Variants in INSR observed in about 807,000 individuals in gnomAD.
INSR encodes IR.
In INSR, 67 loss-of-function variants were observed where a neutral mutation model predicts 142.6. The observed-to-expected ratio is 0.47, with a 90% confidence interval of 0.39 to 0.58. INSR has a LOEUF of 0.58. Among genes scored for constraint, INSR ranks in the 20% least tolerant of loss-of-function variants. The probability of loss-of-function intolerance (pLI) is 0.00; values close to 1 mark genes in which losing one functional copy is unlikely to be tolerated. For missense variants in INSR, 1,248 were observed against 1,833.2 expected (o/e 0.68, Z 5.83); for synonymous variants, 756 against 743.1 (o/e 1.02, Z -0.28).
rs1198929203 is a variant in INSR at position 7,216,385 on chromosome 19, A to G, written c.653-31748T>C. On this transcript the variant is annotated intron_variant, in intron 2 of 21. Transcript: ENST00000302850. This position sits in a 1 kb window ranked among gnomAD's most constrained non-coding sequence, Gnocchi z 4.2. ...TCTGAAATCCTAAACAGAATATTAC[A>G]TGGCGTCTTGGACCTCCGTGATGTT... 2.0e-5 allele frequency among the ~76,000 whole-genome samples: 3 copies of G among 152,208 alleles called. No individual in the cohort carries two copies. The highest frequency in any genetic ancestry group is 4.4e-5 in the Non-Finnish European group (3 of 68,040).
At chr19:7,152,678 A>T (rs1335303496) in intron 10 of INSR, 48 bp downstream of exon 10, 14 of 1,500,346 alleles carry the variant, frequency 9.3e-6, no homozygotes, top group African/African-American at 1.4e-5. Flanking sequence ...TTCCACCAAC[A>T]CCAAGCCAAT....
At chr19:7,174,752 G>GAGAGAA (rs1294223167) in intron 3 of INSR, 21 bp from the exon 4 acceptor site, 2 of 1,607,316 alleles carry the variant, frequency 1.2e-6, no homozygotes, top group Non-Finnish European at 1.7e-6. Flanking sequence ...AGCAGAGAGA[G>GAGAGAA]AGAGAAAGAG....
In INSR at chr19:7,132,233, C is replaced by T. The variant is rs760156961; in HGVS notation, c.2767G>A (p.Val923Met). Residue 923 changes from valine (V) to methionine (M), a missense_variant, in exon 14 of 22, where the codon GTG (valine) becomes ATG (methionine). Coordinates refer to ENST00000302850, the MANE Select transcript of INSR (RefSeq NM_000208.4). Reference protein sequence around the residue: ...LRGLSPGNYSVRIRATSLAGN... With the variant: ...LRGLSPGNYSMRIRATSLAGN... ...GCAAGGGAGGTGGCCCGGATTCGCA[C>T]GCTGTAGTTCCCCGGTGACAGCCCA... 7.4e-6 allele frequency: 12 copies of T among 1,614,118 alleles called. No individual in the cohort carries two copies. Among genetic ancestry groups the T allele is most frequent in the East Asian group, 2.2e-5 (1 of 44,882 alleles).
At chr19:7,158,223 A>G (rs192540763) in intron 9 of INSR, among the ~76,000 whole-genome samples, 12 of 152,096 alleles carry the variant, frequency 7.9e-5, no homozygotes, top group South Asian at 4.2e-4. Context: ...ATAATGGGCC[A>G]GGCGCGGTGA....
rs1972270572 is a variant in INSR at position 7,114,294 on chromosome 19, T to C, written c.*2762A>G. ...AATGCTTGCTCTGAATCAAAGCCCG[T>C]CTTTGCCCCGGCAGCCATCTCTCAC... On this transcript the variant is annotated 3_prime_UTR_variant, in exon 22 of 22. Coordinates refer to ENST00000302850, the MANE Select transcript of INSR (RefSeq NM_000208.4). The C allele has an allele frequency of 6.6e-6, 1 of 152,236 alleles. No individual in the cohort carries two copies. Among genetic ancestry groups the C allele is most frequent in the African/African-American group, 2.4e-5 (1 of 41,440 alleles). The allele number at this position is 152,236 out of a possible 1,614,324, so 9.4% of individuals were successfully genotyped here. A position where few individuals can be genotyped will look rare whatever the true frequency, so the allele number is the denominator to read the frequency against.
At chr19:7,237,227 C>T (rs1976186187) in intron 2 of INSR, among the ~76,000 whole-genome samples, 2 of 151,378 alleles carry the variant, frequency 1.3e-5, no homozygotes, top group African/African-American at 4.9e-5. Flanking sequence ...TGGAAATAAA[C>T]AAAAAAACAG....
chr19:7,170,884 C>A, intron 5 of INSR, 133 bp from the exon 6 acceptor site: 3 of 782,782 alleles, frequency 3.8e-6, no homozygotes, highest in South Asian at 1.4e-5. Context: ...GGCACATACT[C>A]AACACATATT....
intron 2 of INSR, among the ~76,000 whole-genome samples, chr19:7,238,617 CAAA>C (rs796144540): frequency 1.3e-4 from 9 of 68,970 alleles, no homozygotes; most frequent in East Asian, 4.2e-4. Flanking sequence ...TGCTCCATCT[CAAA>C]AAAAAAAAAA....
At chr19:7,181,746 TG>T (rs1974280449) in intron 3 of INSR, among the ~76,000 whole-genome samples, 1 of 151,644 alleles carries the variant, frequency 6.6e-6, no homozygotes, top group South Asian at 2.1e-4. Flanking sequence ...ATTTTTTTTT[TG>T]TTTTTGTATT....
intron 2 of INSR, among the ~76,000 whole-genome samples, chr19:7,195,027 T>A (rs1228731692): frequency 1.3e-5 from 2 of 151,798 alleles, no homozygotes; most frequent in Non-Finnish European, 2.9e-5. Context: ...CCCAGCAGCA[T>A]CCCCTCCTGC....
At chr19:7,154,379 T>G (rs1428487879) in intron 9 of INSR, among the ~76,000 whole-genome samples, 3 of 138,996 alleles carry the variant, frequency 2.2e-5, no homozygotes, top group African/African-American at 7.9e-5. Context: ...CTTGGCTCAC[T>G]GCAAGCTCCA....
chr19:7,199,177 G>T (rs1277691849), intron 2 of INSR, among the ~76,000 whole-genome samples: 1 of 152,118 alleles, frequency 6.6e-6, no homozygotes, highest in Non-Finnish European at 1.5e-5. Context: ...ACACTTTAAA[G>T]TGTGTAATCT....
intron 11 of INSR, among the ~76,000 whole-genome samples, chr19:7,143,883 C>T (rs1973129937): frequency 1.3e-5 from 2 of 151,980 alleles, no homozygotes; most frequent in Non-Finnish European, 2.9e-5. Flanking sequence ...GGGGAAACCC[C>T]GTCTCTACTA....
intron 4 of INSR, among the ~76,000 whole-genome samples, chr19:7,172,784 G>C (rs1036932238): frequency 2.0e-5 from 3 of 151,314 alleles, no homozygotes; most frequent in African/African-American, 7.3e-5. Flanking sequence ...TGTAATACCA[G>C]CACCTTGGGA....
At chr19:7,137,367 T>C (rs1363417585) in intron 13 of INSR, among the ~76,000 whole-genome samples, 10 of 152,000 alleles carry the variant, frequency 6.6e-5, no homozygotes, top group Non-Finnish European at 1.2e-4. Flanking sequence ...TCAGTCTAGC[T>C]GGGAATGCTG....
chr19:7,121,941 G>A (rs74176219), intron 19 of INSR, among the ~76,000 whole-genome samples: 3 of 152,092 alleles, frequency 2.0e-5, no homozygotes, highest in African/African-American at 7.2e-5. Flanking sequence ...TCAGGAGTTT[G>A]AGACCATCTT....
chr19:7,158,919 T>C (rs75581745), intron 9 of INSR, among the ~76,000 whole-genome samples: 3,871 of 150,386 alleles, frequency 0.026, 120 homozygotes, highest in African/African-American at 0.077. Context: ...TTTTGTTTTG[T>C]TTTTGGTGGA....
chr19:7,245,128 G>A (rs1976500715), intron 2 of INSR, among the ~76,000 whole-genome samples: 1 of 151,532 alleles, frequency 6.6e-6, no homozygotes. Flanking sequence ...AGTAGAGACA[G>A]GGTTTTACCG....
At chr19:7,210,616 A>G (rs1227362808) in intron 2 of INSR, among the ~76,000 whole-genome samples, 2 of 152,114 alleles carry the variant, frequency 1.3e-5, no homozygotes, top group African/African-American at 4.8e-5. Context: ...TCTTGGAACC[A>G]GGGTGACACA....
Sources: allele counts gnomAD v4.1 joint callset (sites outside exome capture counted in the v4.1 genomes callset), GRCh38; gene constraint gnomAD v4.1.1; non-coding constraint Gnocchi (gnomAD v3.1); transcripts MANE v1.5; gene names NCBI Gene and HGNC (gene_info 2026-07-23, HGNC 2026-07-21).